The following ROBO2 variants were observed in gnomAD, a reference collection of about 807,000 sequenced individuals.
ROBO2 encodes roundabout homolog 2.
ROBO2 carries 53 observed loss-of-function variants against 160.8 expected under a neutral mutation model. The ratio of observed to expected loss-of-function variants is 0.33; its 90% CI spans 0.26 to 0.41. The LOEUF is 0.41. Ranked by LOEUF, ROBO2 falls within the 10% of genes least tolerant of loss-of-function variation. The pLI is 1.00. For synonymous variants in ROBO2, 664 were observed against 611.7 expected (o/e 1.09, Z -1.26); for missense variants, 1,577 against 1,722.4 (o/e 0.92, Z 1.49).
intron 9 of ROBO2, 38 bp from the exon 11 acceptor site, chr3:77,562,613 C>G (rs1170547117): frequency 7.0e-7 from 1 of 1,437,208 alleles, no homozygotes; most frequent in African/African-American, 1.4e-5. Context: ...TGCAAATTGA[C>G]TGAAACAATT....
At chr3:76,867,413 G>A (rs2071495869) in intron 2 of ROBO2, among the ~76,000 whole-genome samples, 1 of 152,134 alleles carries the variant, frequency 6.6e-6, no homozygotes, top group Non-Finnish European at 1.5e-5. Context: ...ATAGGATGTG[G>A]TGCTTTAATT....
intron 2 of ROBO2, among the ~76,000 whole-genome samples, chr3:76,214,718 T>C (rs529151446): frequency 6.6e-6 from 1 of 152,322 alleles, no homozygotes; most frequent in East Asian, 1.9e-4. Context: ...CCTGCCTCTG[T>C]AGGCTCCACC....
intron 2 of ROBO2, among the ~76,000 whole-genome samples, chr3:76,197,253 C>T (rs13065238): frequency 7.1e-6 from 1 of 140,686 alleles, no homozygotes; most frequent in African/African-American, 2.7e-5. Context: ...ATCCACTGAG[C>T]TAATCAATCT....
At chr3:76,226,120 A>G (rs1272355242) in intron 2 of ROBO2, among the ~76,000 whole-genome samples, 2 of 152,216 alleles carry the variant, frequency 1.3e-5, no homozygotes, top group African/African-American at 2.4e-5. Context: ...TAAAAAATAA[A>G]CAAAACTTAA....
chr3:77,277,149 C>CTTCCTTCCTTCTTTCTTTCT (rs1553882798), intron 2 of ROBO2, among the ~76,000 whole-genome samples: 41 of 100,060 alleles, frequency 4.1e-4, no homozygotes, highest in South Asian at 2.7e-3. Context: ...TCCTTCTTTC[C>CTTCCTTCCTTCTTTCTTTCT]TTCTTTCCTT....
At chr3:76,829,875 C>T (rs550565768) in intron 2 of ROBO2, among the ~76,000 whole-genome samples, 2 of 152,214 alleles carry the variant, frequency 1.3e-5, no homozygotes, top group South Asian at 2.1e-4. Flanking sequence ...ACCATGTTGA[C>T]CAGGTTGGTT....
intron 2 of ROBO2, among the ~76,000 whole-genome samples, chr3:77,260,981 C>A (rs1435701372): frequency 1.3e-5 from 2 of 152,232 alleles, no homozygotes; most frequent in East Asian, 3.9e-4. Context: ...GGTAGCTGGG[C>A]TTCCTGGGAT....
At chr3:76,633,497 G>T (rs1298163720) in intron 2 of ROBO2, among the ~76,000 whole-genome samples, 1 of 152,126 alleles carries the variant, frequency 6.6e-6, no homozygotes, top group East Asian at 1.9e-4. Context: ...TTCACAAAAA[G>T]AAAAAGACAC....
chr3:77,320,229 C>G (rs2064525026), intron 2 of ROBO2, among the ~76,000 whole-genome samples: 1 of 152,144 alleles, frequency 6.6e-6, no homozygotes. Flanking sequence ...CCACCATGGC[C>G]TTATACTGGA....
exon 1 of ROBO2, chr3:77,039,895 C>G (rs1042859296): frequency 1.3e-5 from 2 of 156,250 alleles, no homozygotes; most frequent in Admixed American, 1.3e-4. Context: ...GGGCGAGGGG[C>G]CTCAGCGCGC....
chr3:76,911,975 A>C (rs1302592925), intron 2 of ROBO2, among the ~76,000 whole-genome samples: 1 of 152,134 alleles, frequency 6.6e-6, no homozygotes, highest in Non-Finnish European at 1.5e-5. Flanking sequence ...CTCAAAAAAA[A>C]AATATTTTAA....
chr3:76,204,195 A>AT (rs922045989), intron 2 of ROBO2, among the ~76,000 whole-genome samples: 30 of 152,204 alleles, frequency 2.0e-4, no homozygotes, highest in Non-Finnish European at 3.8e-4. Context: ...ATTCTTATCT[A>AT]TTTTTTTCAA....
intron 2 of ROBO2, among the ~76,000 whole-genome samples, chr3:76,576,819 T>C (rs1160989893): frequency 7.1e-6 from 1 of 141,398 alleles, no homozygotes; most frequent in African/African-American, 2.6e-5. Context: ...AAAATGAGAG[T>C]ATTATTTTTC....
At chr3:77,539,094 T>C (rs2092331228) in intron 6 of ROBO2, among the ~76,000 whole-genome samples, 1 of 152,084 alleles carries the variant, frequency 6.6e-6, no homozygotes, top group African/African-American at 2.4e-5. Flanking sequence ...ATTTGTTTTG[T>C]ATTTTAGTGG....
intron 2 of ROBO2, among the ~76,000 whole-genome samples, chr3:76,840,648 T>C (rs2068156085): frequency 1.5e-4 from 2 of 13,064 alleles, no homozygotes; most frequent in Admixed American, 6.1e-4. Context: ...TTATATTTTA[T>C]ATATATATAT....
At chr3:76,321,779 G>T (rs2072547266) in intron 2 of ROBO2, among the ~76,000 whole-genome samples, 1 of 152,072 alleles carries the variant, frequency 6.6e-6, no homozygotes, top group Non-Finnish European at 1.5e-5. Context: ...GAAAATAAAA[G>T]GCCGTTGTAA....
chr3:76,655,165 G>T (rs1026579636), intron 2 of ROBO2, among the ~76,000 whole-genome samples: 2 of 149,748 alleles, frequency 1.3e-5, no homozygotes, highest in Non-Finnish European at 3.0e-5. Context: ...ATATTCGCAG[G>T]GGTGGAATTG....
At chr3:77,113,708 C>T (rs528733507) in intron 2 of ROBO2, among the ~76,000 whole-genome samples, 4 of 152,310 alleles carry the variant, frequency 2.6e-5, no homozygotes, top group Admixed American at 6.5e-5. Flanking sequence ...GAAATATTAT[C>T]ATGATTCATT....
chr3:77,149,552 C>CA (rs151041918), intron 2 of ROBO2, among the ~76,000 whole-genome samples: 3,351 of 152,244 alleles, frequency 0.022, 57 homozygotes, highest in Middle Eastern at 0.054. Context: ...TGTACATTCT[C>CA]AGAGGTCAAT....
Sources: gnomAD v4.1 joint callset for allele counts (sites outside exome capture counted in the v4.1 genomes callset) on GRCh38, gnomAD v4.1.1 for gene constraint, MANE v1.5 for transcripts, NCBI Gene and HGNC (gene_info 2026-07-23, HGNC 2026-07-21) for gene names.